CNTNAP5: variants seen among roughly 807,000 people sequenced by gnomAD.
The protein encoded by CNTNAP5 is contactin-associated protein-like 5.
Under a neutral mutation model 150.2 loss-of-function variants are expected in CNTNAP5, and 72 were observed. The ratio of observed to expected loss-of-function variants is 0.48; its 90% CI spans 0.40 to 0.58. The LOEUF is 0.58. CNTNAP5 is among the 20% of genes least tolerant of loss of function. The pLI is 0.00. For missense variants in CNTNAP5, 1,636 were observed against 1,626.2 expected, an observed-to-expected ratio of 1.01 and a Z score of -0.10; for synonymous variants, 672 against 619.8, an observed-to-expected ratio of 1.08 and a Z score of -1.25.
chr2:124,750,286 G>A (rs1680696492), intron 14 of CNTNAP5, among the ~76,000 whole-genome samples: 1 of 152,164 alleles, frequency 6.6e-6, no homozygotes, highest in Admixed American at 6.5e-5. Context: ...AAGGATGCCT[G>A]ACTCACTCCT....
chr2:124,122,792 A>ACACACACC (rs1553439314), intron 1 of CNTNAP5, among the ~76,000 whole-genome samples: 35 of 113,450 alleles, frequency 3.1e-4, no homozygotes, highest in South Asian at 8.4e-4. Flanking sequence ...ACACACACAC[A>ACACACACC]CCCACACCTT....
At chr2:124,584,803 A>G (rs1050068404) in intron 11 of CNTNAP5, among the ~76,000 whole-genome samples, 3 of 152,196 alleles carry the variant, frequency 2.0e-5, no homozygotes, top group Non-Finnish European at 2.9e-5. Flanking sequence ...TACTCTGTCT[A>G]GTTGAAACCA....
At chr2:124,852,617 T>C (rs76479388) in intron 19 of CNTNAP5, among the ~76,000 whole-genome samples, 274 of 152,338 alleles carry the variant, frequency 1.8e-3, no homozygotes, top group African/African-American at 6.3e-3. Context: ...ATCTGGTTTA[T>C]AGTGTAAATG....
At position 124,914,343 on chromosome 2, in the gene CNTNAP5, CCT is replaced by C; in HGVS notation, c.*58_*59del. The C allele has an allele frequency of 8.2e-7, 1 of 1,220,504 alleles. No individual in the cohort carries two copies. Among genetic ancestry groups the C allele is most frequent in the Non-Finnish European group, 1.2e-6 (1 of 848,060 alleles). 75.6% of individuals were successfully genotyped at this position (1,220,504 alleles called of 1,614,324 possible). On this transcript the variant is annotated 3_prime_UTR_variant, in exon 24 of 24. Transcript: ENST00000682447. The stretch of plus-strand genomic sequence containing the variant: ...TCTTGTTGTTCAATTATCTCCTCCC[CCT>C]CTTCTCTCCTGTCTTTTGATTTGGT...
intron 13 of CNTNAP5, among the ~76,000 whole-genome samples, chr2:124,706,789 A>AGG (rs1679654614): frequency 1.2e-3 from 38 of 31,002 alleles, no homozygotes; most frequent in Non-Finnish European, 2.2e-3. Context: ...GAAGAAGAAG[A>AGG]AGAAGAAGGA....
chr2:124,335,481 T>C (rs1689447986), intron 3 of CNTNAP5, among the ~76,000 whole-genome samples: 2 of 151,246 alleles, frequency 1.3e-5, no homozygotes, highest in African/African-American at 4.9e-5. Flanking sequence ...AAGAGAACTT[T>C]ATACACCAAA....
intron 1 of CNTNAP5, among the ~76,000 whole-genome samples, chr2:124,196,125 A>C (rs2104701950): frequency 6.6e-6 from 1 of 152,218 alleles, no homozygotes; most frequent in Non-Finnish European, 1.5e-5. Flanking sequence ...AGGGAAGAAG[A>C]CAATTGTCAA....
chr2:124,576,747 C>G (rs12613338), intron 11 of CNTNAP5, among the ~76,000 whole-genome samples: 1 of 152,176 alleles, frequency 6.6e-6, no homozygotes, highest in Non-Finnish European at 1.5e-5. Context: ...CTTCTCAGAA[C>G]GTTAGTTCTC....
chr2:124,414,618 G>A (rs1691870059), intron 3 of CNTNAP5, among the ~76,000 whole-genome samples: 1 of 151,974 alleles, frequency 6.6e-6, no homozygotes, highest in Non-Finnish European at 1.5e-5. Context: ...ATTAGTCACG[G>A]GATTAACTCC....
intron 3 of CNTNAP5, among the ~76,000 whole-genome samples, chr2:124,263,761 C>G (rs1687526197): frequency 1.3e-5 from 2 of 152,140 alleles, no homozygotes; most frequent in African/African-American, 4.8e-5. Flanking sequence ...AGGTTTTCTT[C>G]TAGGGATTTT....
intron 3 of CNTNAP5, among the ~76,000 whole-genome samples, chr2:124,379,693 G>A (rs1047917991): frequency 6.6e-6 from 1 of 152,084 alleles, no homozygotes; most frequent in Non-Finnish European, 1.5e-5. Context: ...CTTGGGCATG[G>A]CCTCCCTTGT....
intron 13 of CNTNAP5, among the ~76,000 whole-genome samples, chr2:124,693,967 G>T (rs917975400): frequency 6.6e-6 from 1 of 151,968 alleles, no homozygotes; most frequent in Non-Finnish European, 1.5e-5. Flanking sequence ...GAAGACACTT[G>T]CCTGACCCAT....
intron 3 of CNTNAP5, among the ~76,000 whole-genome samples, chr2:124,311,648 T>C (rs1054723528): frequency 2.0e-5 from 3 of 152,180 alleles, no homozygotes; most frequent in African/African-American, 7.2e-5. Context: ...ATTCAGTCCA[T>C]AGCACTGCCT....
At chr2:124,851,181 A>T (rs1038493336) in intron 19 of CNTNAP5, among the ~76,000 whole-genome samples, 3 of 152,102 alleles carry the variant, frequency 2.0e-5, no homozygotes, top group Non-Finnish European at 4.4e-5. Flanking sequence ...CCTGGCCAAC[A>T]TGGTGAAACC....
In CNTNAP5 at chr2:124,712,426, C is replaced by T. The variant is rs116686143; in HGVS notation, c.2078-34803C>T. On this transcript the variant is annotated intron_variant, in intron 13 of 23. Coordinates refer to ENST00000682447, the MANE Select transcript of CNTNAP5 (RefSeq NM_001367498.1). ...CAAAGGTAACACAGCTGCCAGGACTCATATCCAAGCTGCCTGATTTGGAGC... is the reference window on the plus strand; with the variant it reads ...CAAAGGTAACACAGCTGCCAGGACTTATATCCAAGCTGCCTGATTTGGAGC... 3.5e-3 allele frequency among the ~76,000 whole-genome samples: 529 copies of T among 152,320 alleles called. 4 individuals carry two copies. Among genetic ancestry groups the T allele is most frequent in the African/African-American group, 0.012 (499 of 41,568 alleles).
chr2:124,065,713 A>G (rs936668350), intron 1 of CNTNAP5, among the ~76,000 whole-genome samples: 1 of 152,216 alleles, frequency 6.6e-6, no homozygotes, highest in Non-Finnish European at 1.5e-5. Flanking sequence ...GTACCAACCA[A>G]CAGAAATAGG....
At chr2:124,608,068 A>C (rs1414187166) in intron 11 of CNTNAP5, among the ~76,000 whole-genome samples, 14 of 152,108 alleles carry the variant, frequency 9.2e-5, no homozygotes, top group Admixed American at 9.2e-4. Flanking sequence ...CCTGGTAATA[A>C]ATTATTTGAG....
chr2:124,466,125 CCT>C (rs1693373636), intron 6 of CNTNAP5, among the ~76,000 whole-genome samples: 1 of 151,866 alleles, frequency 6.6e-6, no homozygotes, highest in African/African-American at 2.4e-5. Flanking sequence ...TAATATTTGC[CCT>C]CTTTGTTTAT....
At chr2:124,359,723 A>C (rs1690141887) in intron 3 of CNTNAP5, among the ~76,000 whole-genome samples, 2 of 94,148 alleles carry the variant, frequency 2.1e-5, no homozygotes. Context: ...CTTTACTTCC[A>C]AGTATGTGGT....
Sources: allele counts gnomAD v4.1 joint callset (sites outside exome capture counted in the v4.1 genomes callset), GRCh38; gene constraint gnomAD v4.1.1; transcripts MANE v1.5; gene names NCBI Gene and HGNC (gene_info 2026-07-23, HGNC 2026-07-21).